RLF: variants seen among roughly 807,000 people sequenced by gnomAD.
The protein encoded by RLF is RLF zinc finger, also known as zinc finger protein Rlf.
A neutral mutation model predicts 162.9 loss-of-function variants in RLF; 7 were observed. The ratio of observed to expected loss-of-function variants is 0.04; its 90% CI spans 0.02 to 0.08. The LOEUF is 0.08. Among genes scored for constraint, RLF ranks in the 10% least tolerant of loss-of-function variants. The pLI is 1.00. For missense variants in RLF, 1,664 were observed against 2,244.7 expected (o/e 0.74, Z 5.23); for synonymous variants, 782 against 791.5 (o/e 0.99, Z 0.20).
chr1:40,182,847 G>A (rs764746878), intron 1 of RLF, among the ~76,000 whole-genome samples: 2 of 152,104 alleles, frequency 1.3e-5, no homozygotes, highest in Non-Finnish European at 2.9e-5. Context: ...AACCAATATA[G>A]AAAATGAGGC....
At chr1:40,229,317 A>T (rs1360093571) in intron 6 of RLF, among the ~76,000 whole-genome samples, 3 of 152,118 alleles carry the variant, frequency 2.0e-5, no homozygotes, top group Admixed American at 1.3e-4. Context: ...CAGCTGGCCT[A>T]TCTCAATTTT....
chr1:40,171,826 A>G (rs1570514359), intron 1 of RLF, among the ~76,000 whole-genome samples: 1 of 152,186 alleles, frequency 6.6e-6, no homozygotes, highest in African/African-American at 2.4e-5. Flanking sequence ...GAACAGTATA[A>G]AAGGGGAGAA....
chr1:40,208,710 G>A (rs1260251634), intron 5 of RLF, among the ~76,000 whole-genome samples: 2 of 152,068 alleles, frequency 1.3e-5, no homozygotes, highest in Non-Finnish European at 1.5e-5. Context: ...CCAGCTACTC[G>A]GGAGGCTGAG....
chr1:40,240,398 A>G lies in RLF; in HGVS notation c.5696A>G (p.Asp1899Gly), dbSNP rs528107759. The G allele has an allele frequency of 2.5e-6, 4 of 1,613,884 alleles. No homozygotes were observed. The highest frequency in any genetic ancestry group is 3.3e-5 in the Admixed American group (2 of 59,928). The change falls in exon 8 of 8, where the codon GAC becomes GGC. Residue 1899 changes from aspartate (D) to glycine (G), a missense_variant. Asp to Gly is a moderately conservative substitution (Grantham distance 94). Around this residue, in one of 15 missense-constraint regions of RLF, gnomAD observed 27 missense variants for 52.5 expected, o/e 0.51. Coordinates refer to ENST00000372771, the MANE Select transcript of RLF (RefSeq NM_012421.4). ...TCTAAGTTTTCCACACCAATTTTAG[A>G]CTTATTTCCAACAAAAAAGACAGAT... ...ERSKFSTPILDLFPTKKTDEL... is the reference protein window; with the variant it reads ...ERSKFSTPILGLFPTKKTDEL...
intron 5 of RLF, among the ~76,000 whole-genome samples, chr1:40,207,904 C>A (rs537464059): frequency 3.0e-4 from 45 of 152,230 alleles, no homozygotes; most frequent in African/African-American, 1.0e-3. Flanking sequence ...AGCCACCACG[C>A]CTGGCCCCTT....
intron 6 of RLF, among the ~76,000 whole-genome samples, chr1:40,228,460 A>C (rs1643107548): frequency 6.7e-6 from 1 of 149,218 alleles, no homozygotes; most frequent in African/African-American, 2.5e-5. Flanking sequence ...GGGTGCCTGT[A>C]ATCCCAGCTA....
intron 2 of RLF, 85 bp downstream of exon 2, chr1:40,189,294 A>T: frequency 8.9e-7 from 1 of 1,126,736 alleles, no homozygotes; most frequent in African/African-American, 1.5e-5. Context: ...GTGGCATCAC[A>T]TTTATTCTTC....
Position 40,240,062 on chromosome 1 carries a change from T to C in RLF, c.5360T>C (p.Phe1787Ser). 1 of 1,614,128 alleles carries C rather than the reference T, an allele frequency of 6.2e-7. No homozygotes were observed. The highest frequency in any genetic ancestry group is 2.2e-5 in the East Asian group (1 of 44,878). ...IQESEEKEDD[F>S]DDWEPSEHLT... Reference sequence around the variant, plus strand: ...GAAAGTGAAGAGAAAGAAGATGATTTTGATGATTGGGAGCCTTCAGAGCAC... The same window carrying C: ...GAAAGTGAAGAGAAAGAAGATGATTCTGATGATTGGGAGCCTTCAGAGCAC... Residue 1787 changes from phenylalanine to serine, a missense_variant, in exon 8 of 8, where the codon TTT becomes TCT. Physicochemically the swap from Phe to Ser is radical, Grantham distance 155 (BLOSUM62 -2). Coordinates refer to ENST00000372771, the MANE Select transcript of RLF (RefSeq NM_012421.4).
chr1:40,228,409 C>T (rs1349264643), intron 6 of RLF, among the ~76,000 whole-genome samples: 2 of 151,538 alleles, frequency 1.3e-5, no homozygotes, highest in East Asian at 2.0e-4. Flanking sequence ...CATAGCGAAA[C>T]CCCGTCTCTA....
chr1:40,233,745 G>A (rs756094371), intron 7 of RLF, among the ~76,000 whole-genome samples: 1 of 152,166 alleles, frequency 6.6e-6, no homozygotes, highest in Admixed American at 6.5e-5. Flanking sequence ...TAGAGTCTCA[G>A]CTCGTCTGAA....
chr1:40,177,083 G>A (rs1050597125), intron 1 of RLF, among the ~76,000 whole-genome samples: 2 of 151,790 alleles, frequency 1.3e-5, no homozygotes, highest in African/African-American at 4.8e-5. Context: ...CGCCTCACAG[G>A]TTCAAGCGAT....
chr1:40,231,432 A>G (rs1451634089), intron 6 of RLF, 85 bp from the exon 7 acceptor site: 3 of 1,219,564 alleles, frequency 2.5e-6, no homozygotes, highest in Non-Finnish European at 3.5e-6. Context: ...TCAGCTTTCT[A>G]CAGATCAAAA....
rs79896844 is a variant in RLF at position 40,240,357 on chromosome 1, G to A, written c.5655G>A (p.Val1885=). 6.9e-5 allele frequency: 111 copies of A among 1,614,148 alleles called. No homozygotes were observed. The East Asian group carries it at 2.3e-3, about 34-fold the overall frequency. The change falls in exon 8 of 8, where the codon GTG becomes GTA. Residue 1885 remains valine (V), a synonymous_variant. Transcript: ENST00000372771. ...ALKQLHYLRP[V]VVLERSKFST... Reference sequence around the variant, plus strand: ...AACAGCTTCATTATCTTCGGCCAGTGGTGGTTCTTGAAAGATCTAAGTTTT... The same window carrying A: ...AACAGCTTCATTATCTTCGGCCAGTAGTGGTTCTTGAAAGATCTAAGTTTT...
In RLF at chr1:40,227,065, A is replaced by G. The variant is rs144225638; in HGVS notation, c.947+4355A>G. ...TTTTTAGTAGAGATAGGGTTTCACC[A>G]TGTGGGCCAGGCTGGTCTCGAGCTC... On this transcript the variant is annotated intron_variant, in intron 6 of 7. Transcript: ENST00000372771. 4.7e-3 allele frequency among the ~76,000 whole-genome samples: 713 copies of G among 152,252 alleles called. 5 individuals carry two copies. Among genetic ancestry groups the G allele is most frequent in the Admixed American group, 8.8e-3 (134 of 15,288 alleles).
At chr1:40,213,364 G>T (rs1414292563) in intron 5 of RLF, among the ~76,000 whole-genome samples, 1 of 152,172 alleles carries the variant, frequency 6.6e-6, no homozygotes, top group Non-Finnish European at 1.5e-5. Context: ...AATTCAGCAG[G>T]ACGTTTCAGC....
chr1:40,193,236 A>G (rs1232533641), intron 3 of RLF, among the ~76,000 whole-genome samples: 1 of 152,118 alleles, frequency 6.6e-6, no homozygotes, highest in Non-Finnish European at 1.5e-5. Flanking sequence ...TGAAGTTTTA[A>G]AATTATTCTT....
rs769581201 is a variant in RLF at position 40,222,663 on chromosome 1, G to C, written c.900G>C (p.Thr300=). 6.2e-7 allele frequency: 1 copy of C among 1,613,284 alleles called. No homozygotes were observed. The highest frequency in any genetic ancestry group is 1.3e-5 in the African/African-American group (1 of 74,914). The change falls in exon 6 of 8, where the codon ACG becomes ACC. Residue 300 remains threonine (T), a synonymous_variant. Coordinates refer to ENST00000372771, the MANE Select transcript of RLF (RefSeq NM_012421.4). ...GQDNTAFVLC[T]TYLTQQLQTA... ...ATAACACAGCATTTGTTCTTTGTAC[G>C]ACTTACCTTACCCAGCAGCTCCAAA...
rs1642180850 is a variant in RLF, at chr1:40,167,292, CAAG to C, written c.237+5660_237+5662del. On this transcript the variant is annotated intron_variant, in intron 1 of 7. Coordinates refer to ENST00000372771, the MANE Select transcript of RLF (RefSeq NM_012421.4). ...TGAGCCTTACCTCTTTCATATATTTCAAGAAGTTTTTAATGCATTAGCTTCTCT... is the reference window on the plus strand; with the variant it reads ...TGAGCCTTACCTCTTTCATATATTTCAAGTTTTTAATGCATTAGCTTCTCT... Among the ~76,000 whole-genome samples the C allele has an allele frequency of 1.3e-5, 2 of 152,300 alleles. 1 individual carries two copies. The highest frequency in any genetic ancestry group is 6.8e-3 in the Middle Eastern group (2 of 294).
chr1:40,177,391 A>G (rs771524813), intron 1 of RLF, among the ~76,000 whole-genome samples: 3 of 148,874 alleles, frequency 2.0e-5, no homozygotes, highest in Non-Finnish European at 1.5e-5. Context: ...CCGGGGTCAC[A>G]CCATTCTCCT....
Sources: allele counts gnomAD v4.1 joint callset (sites outside exome capture counted in the v4.1 genomes callset), GRCh38; gene constraint gnomAD v4.1.1; regional missense constraint gnomAD v4.1.1; transcripts MANE v1.5; gene names NCBI Gene and HGNC (gene_info 2026-07-23, HGNC 2026-07-21).